Variants in DOCK4 observed in about 807,000 individuals in gnomAD.
DOCK4 encodes the protein dedicator of cytokinesis 4, also known as dedicator of cytokinesis protein 4.
Under a neutral mutation model 268.1 loss-of-function variants are expected in DOCK4, and 97 were observed. The observed-to-expected ratio is 0.36, with a 90% CI of 0.31 to 0.43. DOCK4 has a LOEUF of 0.43. Ranked by LOEUF, DOCK4 falls within the 20% of genes least tolerant of loss-of-function variation. The probability of loss-of-function intolerance (pLI) is 1.00; values close to 1 mark genes in which losing one functional copy is unlikely to be tolerated. For synonymous variants in DOCK4, 954 were observed against 887.2 expected, an observed-to-expected ratio of 1.08 and a Z score of -1.34; for missense variants, 2,145 against 2,455.7, an observed-to-expected ratio of 0.87 and a Z score of 2.67.
intron 30 of DOCK4, among the ~76,000 whole-genome samples, chr7:111,804,154 C>G (rs1416980557): frequency 6.6e-6 from 1 of 152,178 alleles, no homozygotes; most frequent in African/African-American, 2.4e-5. Flanking sequence ...TTCAGAGCAG[C>G]ACTATTCACA....
intron 12 of DOCK4, chr7:111,935,314 T>A: frequency 1.8e-6 from 1 of 568,186 alleles, no homozygotes; most frequent in Non-Finnish European, 3.2e-6. Context: ...ATTCAGATTA[T>A]CTTTTTCGTT....
chr7:111,766,189 G>A (rs1482597938), intron 38 of DOCK4, among the ~76,000 whole-genome samples: 2 of 152,198 alleles, frequency 1.3e-5, no homozygotes, highest in South Asian at 4.1e-4. Context: ...TCGATGAACT[G>A]CTGACATGAA....
chr7:111,829,831 T>C (rs1802681010), intron 26 of DOCK4, among the ~76,000 whole-genome samples: 1 of 152,238 alleles, frequency 6.6e-6, no homozygotes. Context: ...CTAAAAGTTT[T>C]TGCCCTTATA....
chr7:112,144,074 T>A (rs563430034), intron 1 of DOCK4, among the ~76,000 whole-genome samples: 1 of 152,270 alleles, frequency 6.6e-6, no homozygotes, highest in East Asian at 1.9e-4. Flanking sequence ...TACAATCTTT[T>A]GGGGGACTCA....
chr7:111,782,893 T>C lies in DOCK4; in HGVS notation c.3556A>G (p.Lys1186Glu), dbSNP rs1447381212. ...DCMKMGEVDG[K>E]KIGCTVSLLN... ...AGGCTAACTGTGCAGCCAATCTTTT[T>C]GCCATCTACCTCTCCCATTTTCATG... The change falls in exon 35 of 53, where the codon AAA becomes GAA. Residue 1186 changes from lysine (K) to glutamate (E), a missense_variant. Lys to Glu is a moderately conservative substitution (Grantham distance 56). Around this residue, in one of 2 missense-constraint regions of DOCK4, gnomAD observed 1,598 missense variants for 1,986.7 expected, o/e 0.80. Transcript: ENST00000428084. The C allele has an allele frequency of 1.2e-6, 2 of 1,613,550 alleles. No individual in the cohort carries two copies.
intron 26 of DOCK4, among the ~76,000 whole-genome samples, chr7:111,832,607 C>T (rs1361035975): frequency 6.6e-6 from 1 of 152,020 alleles, no homozygotes; most frequent in African/African-American, 2.4e-5. Flanking sequence ...AGCTCACTGC[C>T]ACCTCTGCCT....
intron 30 of DOCK4, chr7:111,801,716 G>C (rs1189603746): frequency 7.5e-6 from 1 of 133,950 alleles, no homozygotes; most frequent in East Asian, 2.2e-4. Context: ...TTGAGACAGA[G>C]TCTCGCTCTG....
chr7:111,925,855 A>G (rs2134620054), intron 12 of DOCK4, among the ~76,000 whole-genome samples: 1 of 152,352 alleles, frequency 6.6e-6, no homozygotes, highest in East Asian at 1.9e-4. Context: ...TGGGAGGGCA[A>G]GGTGGGCAGA....
At chr7:111,905,964 C>T (rs1204113197) in intron 13 of DOCK4, among the ~76,000 whole-genome samples, 1 of 152,088 alleles carries the variant, frequency 6.6e-6, no homozygotes, top group Non-Finnish European at 1.5e-5. Flanking sequence ...AGAAGTAGAA[C>T]ATCTCATTAA....
At chr7:111,908,447 CAA>C (rs1181935590) in intron 13 of DOCK4, among the ~76,000 whole-genome samples, 1 of 120,784 alleles carries the variant, frequency 8.3e-6, no homozygotes, top group Non-Finnish European at 1.7e-5. Flanking sequence ...GACTCCGTCT[CAA>C]AAAAATAAAT....
At chr7:112,135,313 C>T (rs1315374710) in intron 1 of DOCK4, among the ~76,000 whole-genome samples, 3 of 151,864 alleles carry the variant, frequency 2.0e-5, no homozygotes, top group East Asian at 3.9e-4. Context: ...TACGCTTTAC[C>T]TTTTTAGTCT....
At chr7:111,895,009 C>T (rs1323515945) in intron 16 of DOCK4, among the ~76,000 whole-genome samples, 1 of 152,190 alleles carries the variant, frequency 6.6e-6, no homozygotes, top group Non-Finnish European at 1.5e-5. Context: ...AGAAAATTGC[C>T]TGTGCACTTA....
intron 8 of DOCK4, among the ~76,000 whole-genome samples, chr7:111,974,597 G>T (rs1464370196): frequency 6.8e-6 from 1 of 146,280 alleles, no homozygotes; most frequent in Non-Finnish European, 1.5e-5. Context: ...TGGGGAGGAG[G>T]GTGACAAAAG....
intron 12 of DOCK4, among the ~76,000 whole-genome samples, chr7:111,918,767 A>G (rs901719062): frequency 6.6e-6 from 1 of 152,044 alleles, no homozygotes; most frequent in African/African-American, 2.4e-5. Context: ...CTAGTACATG[A>G]TAACAGTTCT....
At chr7:111,984,099 G>C (rs966896050) in intron 7 of DOCK4, among the ~76,000 whole-genome samples, 3 of 152,128 alleles carry the variant, frequency 2.0e-5, no homozygotes, top group African/African-American at 7.2e-5. Flanking sequence ...GGCGTTGAGG[G>C]CCCACTGGAG....
Position 111,728,345 on chromosome 7 carries a change from C to T in DOCK4, c.5857G>A (p.Glu1953Lys), listed in dbSNP as rs1794786365. 3.9e-6 allele frequency: 6 copies of T among 1,521,250 alleles called. No homozygotes were observed. Among genetic ancestry groups the T allele is most frequent in the Non-Finnish European group, 5.3e-6 (6 of 1,137,040 alleles). 94.2% of individuals were successfully genotyped at this position (1,521,250 alleles called of 1,614,324 possible). A position where few individuals can be genotyped will look rare whatever the true frequency, so the allele number is the denominator to read the frequency against. ...KPLAARSSHL[E>K]NGARRTDPGP... Reference sequence around the variant, plus strand: ...GGGTCAGTCCTCCGGGCCCCATTCTCCAGGTGGCTGGATCGCGCTGCCAGA... The same window carrying T: ...GGGTCAGTCCTCCGGGCCCCATTCTTCAGGTGGCTGGATCGCGCTGCCAGA... The change falls in exon 53 of 53, where the codon GAG (glutamate) becomes AAG (lysine). Residue 1953 changes from glutamate to lysine, a missense_variant. By Grantham distance (56) the Glu-to-Lys change is moderately conservative (BLOSUM62 1). Around this residue, in one of 2 missense-constraint regions of DOCK4, gnomAD observed 547 missense variants for 469.0 expected, o/e 1.17. Coordinates refer to ENST00000428084, the MANE Select transcript of DOCK4 (RefSeq NM_001363540.2).
At chr7:112,038,909 C>T (rs1196027117) in intron 1 of DOCK4, among the ~76,000 whole-genome samples, 4 of 152,190 alleles carry the variant, frequency 2.6e-5, no homozygotes, top group African/African-American at 4.8e-5. Context: ...AGACCAATGT[C>T]GCTATCTTCT....
chr7:111,905,284 T>G (rs1483514722), intron 13 of DOCK4, among the ~76,000 whole-genome samples: 1 of 152,212 alleles, frequency 6.6e-6, no homozygotes, highest in East Asian at 1.9e-4. Context: ...AGCACCCGTG[T>G]GAAAAGCTAT....
chr7:112,006,294 A>G (rs1370346344), intron 1 of DOCK4, among the ~76,000 whole-genome samples: 1 of 152,160 alleles, frequency 6.6e-6, no homozygotes. Context: ...GAATGAGGGT[A>G]TGGTTTAAGG....
Sources: allele counts gnomAD v4.1 joint callset (sites outside exome capture counted in the v4.1 genomes callset), GRCh38; gene constraint gnomAD v4.1.1; regional missense constraint gnomAD v4.1.1; transcripts MANE v1.5; gene names NCBI Gene and HGNC (gene_info 2026-07-23, HGNC 2026-07-21).